The following MYT1L variants were observed in gnomAD, a reference collection of about 807,000 sequenced individuals.
MYT1L encodes the protein myelin transcription factor 1-like protein.
MYT1L carries 12 observed loss-of-function variants against 126.7 expected under a neutral mutation model. That is an observed-to-expected ratio of 0.09 (90% CI 0.06 to 0.15). The LOEUF (loss-of-function observed/expected upper bound fraction) is 0.15. Ranked by LOEUF, MYT1L falls within the 10% of genes least tolerant of loss-of-function variation. The pLI is 1.00. For missense variants in MYT1L, 979 were observed against 1,585.2 expected (o/e 0.62, Z 6.49); for synonymous variants, 541 against 604.2 (o/e 0.90, Z 1.53).
chr2:1,819,299 C>A (rs546807804), intron 21 of MYT1L, among the ~76,000 whole-genome samples: 52 of 152,364 alleles, frequency 3.4e-4, no homozygotes, highest in Non-Finnish European at 3.8e-4. Flanking sequence ...ACCTCCTGTC[C>A]TCAAGCACAG....
intron 20 of MYT1L, among the ~76,000 whole-genome samples, chr2:1,839,661 C>T (rs185334597): frequency 7.3e-4 from 111 of 152,328 alleles, no homozygotes; most frequent in African/African-American, 2.6e-3. Flanking sequence ...ACACAAAAGA[C>T]CACGCAGGCA....
At chr2:1,797,690 C>T (rs1420976410) in intron 23 of MYT1L, among the ~76,000 whole-genome samples, 1 of 152,260 alleles carries the variant, frequency 6.6e-6, no homozygotes, top group Non-Finnish European at 1.5e-5. Flanking sequence ...GAAACCTCAT[C>T]TTCTCAATTA....
intron 2 of MYT1L, among the ~76,000 whole-genome samples, chr2:2,249,796 C>T (rs1290618332): frequency 6.6e-6 from 1 of 151,918 alleles, no homozygotes; most frequent in East Asian, 1.9e-4. Flanking sequence ...GATCAATAAC[C>T]AGAACATATA....
rs377200947 is a variant in MYT1L, at chr2:2,312,132, C to T, written c.-521+18835G>A. On this transcript the variant is annotated intron_variant, in intron 1 of 24. Coordinates refer to ENST00000647738, the MANE Select transcript of MYT1L (RefSeq NM_001303052.2). Reference sequence around the variant, plus strand: ...GGACTTGTGGAAAGGAGAACAAAGTCGCCTGTGTGATGCTCCTCATGCTCC... The same window carrying T: ...GGACTTGTGGAAAGGAGAACAAAGTTGCCTGTGTGATGCTCCTCATGCTCC... 5.3e-5 allele frequency among the ~76,000 whole-genome samples: 8 copies of T among 152,282 alleles called. No homozygotes were observed. The South Asian group carries it at 1.0e-3, about 20-fold the overall frequency.
At chr2:1,862,825 G>A (rs1242270358) in intron 18 of MYT1L, among the ~76,000 whole-genome samples, 1 of 152,140 alleles carries the variant, frequency 6.6e-6, no homozygotes, top group African/African-American at 2.4e-5. Flanking sequence ...GGGGAAAGAC[G>A]AGAATTGGCT....
intron 3 of MYT1L, among the ~76,000 whole-genome samples, chr2:2,169,410 A>T (rs145328999): frequency 3.9e-5 from 6 of 152,322 alleles, no homozygotes; most frequent in African/African-American, 1.4e-4. Flanking sequence ...ATGTCAACTA[A>T]TACTCTGTGT....
rs564008243 is a variant in MYT1L at position 2,208,568 on chromosome 2, A to T, written c.-420-35580T>A. Among the ~76,000 whole-genome samples the T allele has an allele frequency of 2.6e-5, 4 of 152,344 alleles. No individual in the cohort carries two copies. In the South Asian group the frequency reaches 8.3e-4, roughly 32 times the overall value. On this transcript the variant is annotated intron_variant, in intron 2 of 24. Transcript: ENST00000647738. The stretch of plus-strand genomic sequence containing the variant: ...GTATTCTCATATACTGACATACTGT[A>T]ATAACTGAATCATACACAACAATAA...
chr2:2,256,821 GGATT>G (rs1277113568), intron 2 of MYT1L, among the ~76,000 whole-genome samples: 1 of 152,204 alleles, frequency 6.6e-6, no homozygotes, highest in Non-Finnish European at 1.5e-5. Context: ...AATGGGCTGA[GGATT>G]GATACAGGGG....
At chr2:2,167,753 T>C (rs1229342821) in intron 3 of MYT1L, among the ~76,000 whole-genome samples, 2 of 152,210 alleles carry the variant, frequency 1.3e-5, no homozygotes, top group African/African-American at 4.8e-5. Context: ...GATTCTCCCC[T>C]TTGGGGTGGC....
At chr2:1,803,503 C>T (rs890425300) in intron 22 of MYT1L, among the ~76,000 whole-genome samples, 49 of 152,248 alleles carry the variant, frequency 3.2e-4, no homozygotes, top group African/African-American at 1.2e-3. Flanking sequence ...TCTAATTGAT[C>T]TGCCAGATCA....
chr2:1,935,445 C>G (rs1241279642), intron 9 of MYT1L, among the ~76,000 whole-genome samples: 1 of 152,066 alleles, frequency 6.6e-6, no homozygotes, highest in African/African-American at 2.4e-5. Flanking sequence ...ATGTTAGGTT[C>G]AGGGTTACAG....
chr2:2,225,800 C>T (rs1274367508), intron 2 of MYT1L, among the ~76,000 whole-genome samples: 4 of 152,106 alleles, frequency 2.6e-5, no homozygotes, highest in Non-Finnish European at 4.4e-5. Context: ...GAAAATACCC[C>T]ACAATAGCAA....
chr2:1,958,376 T>C (rs1171774324), intron 8 of MYT1L, among the ~76,000 whole-genome samples: 1 of 147,386 alleles, frequency 6.8e-6, no homozygotes, highest in Non-Finnish European at 1.5e-5. Flanking sequence ...AGTTGGAGGA[T>C]GAGGATGTGG....
At chr2:2,150,672 A>G (rs750568831) in intron 3 of MYT1L, among the ~76,000 whole-genome samples, 5 of 152,180 alleles carry the variant, frequency 3.3e-5, no homozygotes, top group Admixed American at 6.5e-5. Context: ...TACACCTTAG[A>G]TTCTCTACCT....
intron 4 of MYT1L, among the ~76,000 whole-genome samples, chr2:2,050,703 A>C (rs969805071): frequency 6.6e-6 from 1 of 152,146 alleles, no homozygotes; most frequent in African/African-American, 2.4e-5. Context: ...AAGATGACAC[A>C]TGGTAGGGGG....
chr2:2,148,572 T>C (rs979114199), intron 3 of MYT1L, among the ~76,000 whole-genome samples: 3 of 152,112 alleles, frequency 2.0e-5, no homozygotes, highest in African/African-American at 7.2e-5. Context: ...TCCCTTTAGA[T>C]CCTAAGTCAA....
chr2:2,034,228 G>C (rs140339290), intron 4 of MYT1L, among the ~76,000 whole-genome samples: 1 of 152,146 alleles, frequency 6.6e-6, no homozygotes, highest in Non-Finnish European at 1.5e-5. Flanking sequence ...CAGCCGACTC[G>C]GCATCTCTAT....
chr2:1,886,505 T>C, intron 18 of MYT1L, 34 bp downstream of exon 18: 1 of 1,495,642 alleles, frequency 6.7e-7, no homozygotes, highest in Non-Finnish European at 9.0e-7. Context: ...AGTGCATGGA[T>C]TTTTAAAAGA....
intron 2 of MYT1L, among the ~76,000 whole-genome samples, chr2:2,174,076 C>T (rs1262834193): frequency 6.6e-6 from 1 of 151,998 alleles, no homozygotes; most frequent in East Asian, 1.9e-4. Flanking sequence ...CAAAATAATG[C>T]CAAAATAGAT....
Sources: allele counts gnomAD v4.1 joint callset (sites outside exome capture counted in the v4.1 genomes callset), GRCh38; gene constraint gnomAD v4.1.1; transcripts MANE v1.5; gene names NCBI Gene and HGNC (gene_info 2026-07-23, HGNC 2026-07-21).